Variants in FAT3 observed in about 807,000 individuals in gnomAD.
FAT3 encodes protocadherin Fat 3.
Under a neutral mutation model 310.2 loss-of-function variants are expected in FAT3, and 95 were observed. That is an observed-to-expected ratio of 0.31 (90% CI 0.26 to 0.36). The LOEUF is 0.36. Among genes scored for constraint, FAT3 ranks in the 10% least tolerant of loss-of-function variants. The probability of loss-of-function intolerance (pLI) is 1.00; values close to 1 mark genes in which losing one functional copy is unlikely to be tolerated. For missense variants in FAT3, 5,408 were observed against 5,715.6 expected (o/e 0.95, Z 1.74); for synonymous variants, 2,314 against 2,192.9 (o/e 1.06, Z -1.54).
chr11:92,242,784 A>G (rs1864719292), intron 1 of FAT3, among the ~76,000 whole-genome samples: 1 of 152,072 alleles, frequency 6.6e-6, no homozygotes, highest in South Asian at 2.1e-4. Context: ...CAGTGCTGGC[A>G]CATCCTGATA....
chr11:92,705,699 G>A (rs62646320), intron 4 of FAT3, among the ~76,000 whole-genome samples: 24,386 of 100,242 alleles, frequency 0.24, 3,433 homozygotes, highest in Non-Finnish European at 0.26. Context: ...TGATGGTGGT[G>A]TGATCGTGGT....
chr11:92,690,228 A>T (rs950783455), intron 3 of FAT3, among the ~76,000 whole-genome samples: 1 of 152,244 alleles, frequency 6.6e-6, no homozygotes, highest in Non-Finnish European at 1.5e-5. Flanking sequence ...AATGAAATGT[A>T]TCTGTTACAG....
chr11:92,574,410 A>G (rs907094617), intron 3 of FAT3, among the ~76,000 whole-genome samples: 2 of 152,046 alleles, frequency 1.3e-5, no homozygotes, highest in East Asian at 3.9e-4. Context: ...CTGGCAGCAG[A>G]CTCTAGTGGA....
rs2135869056 is a variant in FAT3, at chr11:92,684,802, C to T, written c.3608-12582C>T. ...TTTGCAGCTATCTGATTCTTCCTGACTCTTTCAATGATTCTCTCATTTGAT... is the reference window on the plus strand; with the variant it reads ...TTTGCAGCTATCTGATTCTTCCTGATTCTTTCAATGATTCTCTCATTTGAT... On this transcript the variant is annotated intron_variant, in intron 3 of 27. Coordinates refer to ENST00000525166, the MANE Select transcript of FAT3 (RefSeq NM_001367949.2). 1.3e-5 allele frequency among the ~76,000 whole-genome samples: 2 copies of T among 152,288 alleles called. 1 individual carries two copies. The highest frequency in any genetic ancestry group is 1.3e-4 in the Admixed American group (2 of 15,290).
intron 1 of FAT3, among the ~76,000 whole-genome samples, chr11:92,255,672 T>C (rs947938): frequency 0.65 from 98,413 of 151,970 alleles, 32,854 homozygotes; most frequent in African/African-American, 0.82. Flanking sequence ...TTTTCCTAAC[T>C]TTTCTGTGCC....
chr11:92,827,511 G>T (rs1160483107), intron 13 of FAT3, among the ~76,000 whole-genome samples: 1 of 152,180 alleles, frequency 6.6e-6, no homozygotes, highest in Non-Finnish European at 1.5e-5. Context: ...TGTAGTTTGG[G>T]CAGGCTGTGG....
chr11:92,445,741 T>G (rs1038651575), intron 2 of FAT3, among the ~76,000 whole-genome samples: 1 of 152,056 alleles, frequency 6.6e-6, no homozygotes, highest in African/African-American at 2.4e-5. Context: ...TGTTCATTTT[T>G]GGGGGGGTGC....
Position 92,353,656 on chromosome 11 carries a change from A to G in FAT3, c.1544A>G (p.Asn515Ser), listed in dbSNP as rs771790688. ...ATCACCTATAGTATCGCTAGCCTGAATTTGTTACCATTTGTCATTAATCAG... is the reference window on the plus strand; with the variant it reads ...ATCACCTATAGTATCGCTAGCCTGAGTTTGTTACCATTTGTCATTAATCAG... The part of the protein sequence containing the change: ...GYITYSIASL[N>S]LLPFVINQFT... The change falls in exon 2 of 28, where the codon AAT (asparagine) becomes AGT (serine). Residue 515 changes from asparagine (N) to serine (S), a missense_variant. This residue lies in a region of FAT3 where 4,588 missense variants were observed against 4,809.8 expected (regional missense o/e 0.95). Transcript: ENST00000525166. 8.7e-6 allele frequency: 14 copies of G among 1,613,788 alleles called. No homozygotes were observed. Among genetic ancestry groups the G allele is most frequent in the Non-Finnish European group, 1.1e-5 (13 of 1,179,878 alleles).
intron 3 of FAT3, among the ~76,000 whole-genome samples, chr11:92,680,027 A>G (rs1335582943): frequency 2.0e-5 from 3 of 151,760 alleles, no homozygotes; most frequent in Non-Finnish European, 1.5e-5. Flanking sequence ...AATAGTTTGC[A>G]AGCAATTTTT....
chr11:92,239,124 A>G (rs1038739305), intron 1 of FAT3, among the ~76,000 whole-genome samples: 1 of 152,096 alleles, frequency 6.6e-6, no homozygotes, highest in African/African-American at 2.4e-5. Context: ...TAGAGCTTCT[A>G]AGTGACTTGC....
chr11:92,887,050 A>C lies in FAT3; in HGVS notation c.12988A>C (p.Lys4330Gln). 6.2e-7 allele frequency: 1 copy of C among 1,611,610 alleles called. No individual in the cohort carries two copies. The highest frequency in any genetic ancestry group is 8.5e-7 in the Non-Finnish European group (1 of 1,179,114). Reference sequence around the variant, plus strand: ...AGTGACCTGCTTTGCAGGTAGTAATAAAGGCAGCAACTCTGAAGTTCAGTC... The same window carrying C: ...AGTGACCTGCTTTGCAGGTAGTAATCAAGGCAGCAACTCTGAAGTTCAGTC... Reference protein sequence around the residue: ...GEVTCFAGSNKGSNSEVQSLS... With the variant: ...GEVTCFAGSNQGSNSEVQSLS... Residue 4330 changes from lysine (K) to glutamine (Q), a missense_variant, in exon 25 of 28, where the codon AAA becomes CAA. Lys to Gln is a moderately conservative substitution (Grantham distance 53). This residue lies in a region of FAT3 where 649 missense variants were observed against 666.2 expected (regional missense o/e 0.97). Transcript: ENST00000525166.
At chr11:92,789,678 C>T (rs1484396214) in intron 7 of FAT3, among the ~76,000 whole-genome samples, 1 of 152,142 alleles carries the variant, frequency 6.6e-6, no homozygotes, top group Non-Finnish European at 1.5e-5. Flanking sequence ...GAATTATCAC[C>T]TTCAAGTGGT....
intron 3 of FAT3, among the ~76,000 whole-genome samples, chr11:92,680,144 A>G (rs542600226): frequency 4.9e-4 from 73 of 148,100 alleles, no homozygotes; most frequent in South Asian, 6.3e-4. Flanking sequence ...TTTTTTTTTC[A>G]TCTATGCTTT....
chr11:92,621,670 T>C (rs1215806959), intron 3 of FAT3, among the ~76,000 whole-genome samples: 1 of 152,216 alleles, frequency 6.6e-6, no homozygotes, highest in Non-Finnish European at 1.5e-5. Context: ...TACTTGTTAT[T>C]TTATTGTAAA....
At chr11:92,669,677 G>A (rs1263156896) in intron 3 of FAT3, among the ~76,000 whole-genome samples, 7 of 152,114 alleles carry the variant, frequency 4.6e-5, no homozygotes, top group Non-Finnish European at 1.0e-4. Context: ...GAGGTGGGGT[G>A]GTAATTAACA....
At position 92,886,745 on chromosome 11, in the gene FAT3, G is replaced by A. The variant is rs185111663; in HGVS notation, c.12938-255G>A. 825 of 428,494 alleles carry A rather than the reference G, an allele frequency of 1.9e-3. 8 individuals are homozygous for A. Among genetic ancestry groups the A allele is most frequent in the African/African-American group, 0.014 (723 of 50,112 alleles). The allele number at this position is 428,494 out of a possible 1,614,324, so 26.5% of individuals were successfully genotyped here. On this transcript the variant is annotated intron_variant, in intron 24 of 27. Transcript: ENST00000525166. ...GTTGCTTCACTTCGAGGAAGAAACAGCCACTTTTGGCTGTCAGCTGTTTGG... is the reference window on the plus strand; with the variant it reads ...GTTGCTTCACTTCGAGGAAGAAACAACCACTTTTGGCTGTCAGCTGTTTGG...
At chr11:92,315,750 G>A (rs773126474) in intron 1 of FAT3, among the ~76,000 whole-genome samples, 3 of 151,450 alleles carry the variant, frequency 2.0e-5, no homozygotes, top group Non-Finnish European at 2.9e-5. Flanking sequence ...TCAAACTTCC[G>A]GTCTCAAGTG....
intron 2 of FAT3, among the ~76,000 whole-genome samples, chr11:92,457,969 A>C (rs1299887390): frequency 6.6e-6 from 1 of 152,150 alleles, no homozygotes; most frequent in Non-Finnish European, 1.5e-5. Context: ...AATATCTTGG[A>C]CCACTGTGTC....
chr11:92,259,834 C>T (rs1264173532), intron 1 of FAT3, among the ~76,000 whole-genome samples: 1 of 152,140 alleles, frequency 6.6e-6, no homozygotes, highest in Non-Finnish European at 1.5e-5. Flanking sequence ...AAATCTCCAG[C>T]TTTTAAAGGA....
Sources: allele counts gnomAD v4.1 joint callset (sites outside exome capture counted in the v4.1 genomes callset), GRCh38; gene constraint gnomAD v4.1.1; regional missense constraint gnomAD v4.1.1; transcripts MANE v1.5; gene names NCBI Gene and HGNC (gene_info 2026-07-23, HGNC 2026-07-21).